PHF13: variants seen among roughly 807,000 people sequenced by gnomAD.
PHF13 encodes PHD finger protein 13.
In PHF13, 1 loss-of-function variant was observed where a neutral mutation model predicts 25.8. That is an observed-to-expected ratio of 0.04 (90% CI 0.01 to 0.18). The LOEUF (loss-of-function observed/expected upper bound fraction) is 0.18, where lower values mean the gene tolerates loss of function less well. Ranked by LOEUF, PHF13 falls within the 10% of genes least tolerant of loss-of-function variation. The pLI is 1.00. For missense variants in PHF13, 306 were observed against 403.2 expected (o/e 0.76, Z 2.06); for synonymous variants, 195 against 162.4 (o/e 1.20, Z -1.53).
rs201686197 is a variant in PHF13 at position 6,621,396 on chromosome 1, T to C, written c.677-15T>C. On this transcript the variant is annotated splice_polypyrimidine_tract_variant and intron_variant, in intron 3 of 3. Coordinates refer to ENST00000377648, the MANE Select transcript of PHF13 (RefSeq NM_153812.3). This position sits in a 1 kb window ranked among gnomAD's most constrained non-coding sequence, Gnocchi z 4.8. ...GGAATTTCTCTTCCCTCCTTGAGAG[T>C]ATCTTTCCTTCCAGATGACGATTCC... 189 of 1,612,866 alleles carry C rather than the reference T, an allele frequency of 1.2e-4. 1 individual carries two copies. The highest frequency in any genetic ancestry group is 3.3e-4 in the Middle Eastern group (2 of 6,060).
intron 1 of PHF13, among the ~76,000 whole-genome samples, chr1:6,616,263 G>T (rs921344077): frequency 5.9e-5 from 9 of 151,912 alleles, no homozygotes. Flanking sequence ...TCCTGACCTC[G>T]TGATCCGCCC....
chr1:6,621,841 T>C lies in PHF13; in HGVS notation c.*204T>C. 2 of 612,632 alleles carry C rather than the reference T, an allele frequency of 3.3e-6. No homozygotes were observed. Among genetic ancestry groups the C allele is most frequent in the South Asian group, 1.9e-5 (1 of 51,612 alleles). The allele number at this position is 612,632 out of a possible 1,614,324, so 37.9% of individuals were successfully genotyped here. A position where few individuals can be genotyped will look rare whatever the true frequency, so the allele number is the denominator to read the frequency against. ...TGCGACCTTTGCCAGCCAGAGCTGC[T>C]GCCAGAGCTGCGTTCCCTGCAGTGG... On this transcript the variant is annotated 3_prime_UTR_variant, in exon 4 of 4. Transcript: ENST00000377648. This position sits in a 1 kb window ranked among gnomAD's most constrained non-coding sequence, Gnocchi z 4.8.
Position 6,623,803 on chromosome 1 carries a change from T to A in PHF13, c.*2166T>A, listed in dbSNP as rs1311998514. On this transcript the variant is annotated 3_prime_UTR_variant, in exon 4 of 4. Coordinates refer to ENST00000377648, the MANE Select transcript of PHF13 (RefSeq NM_153812.3). ...GCACGACCCATCTGTGGTTCCTGGT[T>A]GGTGGCTAATGAAGTGAGGGGAGGG... is the stretch of plus-strand genomic sequence containing the variant. 6.6e-6 allele frequency: 1 copy of A among 152,646 alleles called. No individual in the cohort carries two copies. Among genetic ancestry groups the A allele is most frequent in the African/African-American group, 2.4e-5 (1 of 41,454 alleles). 9.5% of individuals were successfully genotyped at this position (152,646 alleles called of 1,614,324 possible).
chr1:6,617,438 CTTTT>C (rs1353994926), intron 2 of PHF13, among the ~76,000 whole-genome samples: 1 of 149,700 alleles, frequency 6.7e-6, no homozygotes, highest in African/African-American at 2.5e-5. Flanking sequence ...TTTGCTTGCT[CTTTT>C]TGTTTGTTTG....
At chr1:6,616,169 C>T (rs1001979143) in intron 1 of PHF13, among the ~76,000 whole-genome samples, 16 of 151,830 alleles carry the variant, frequency 1.1e-4, no homozygotes, top group East Asian at 1.9e-4. Flanking sequence ...GTTGGGACTA[C>T]AGGTGCACGC....
chr1:6,619,907 C>T lies in PHF13; in HGVS notation c.246C>T (p.Pro82=), dbSNP rs1165168684. The change falls in exon 3 of 4, where the codon CCC becomes CCT. Residue 82 remains proline (P), a synonymous_variant. Coordinates refer to ENST00000377648, the MANE Select transcript of PHF13 (RefSeq NM_153812.3). ...AGFSDIASSV[P]LPVSDRCFSH... Reference sequence around the variant, plus strand: ...TCTCAGACATCGCGTCCTCAGTGCCCTTGCCAGTCTCTGACCGCTGCTTTA... The same window carrying T: ...TCTCAGACATCGCGTCCTCAGTGCCTTTGCCAGTCTCTGACCGCTGCTTTA... 2 of 1,613,890 alleles carry T rather than the reference C, an allele frequency of 1.2e-6. No homozygotes were observed. The highest frequency in any genetic ancestry group is 1.7e-6 in the Non-Finnish European group (2 of 1,180,044).
Position 6,613,988 on chromosome 1 carries a change from AGCCCCCAGCCCCGGGC to A in PHF13, c.-77_-62del. On this transcript the variant is annotated 5_prime_UTR_variant, in exon 1 of 4. Coordinates refer to ENST00000377648, the MANE Select transcript of PHF13 (RefSeq NM_153812.3). The stretch of plus-strand genomic sequence containing the variant: ...CGCCCTCGCCCTGCGCAGCCGCCCG[AGCCCCCAGCCCCGGGC>A]GGCCCCGCTCCAGCATCCCAGCTCC... 1 of 1,008,810 alleles carries A rather than the reference AGCCCCCAGCCCCGGGC, an allele frequency of 9.9e-7. No individual in the cohort carries two copies. The highest frequency in any genetic ancestry group is 1.5e-6 in the Non-Finnish European group (1 of 681,536). The allele number at this position is 1,008,810 out of a possible 1,614,324, so 62.5% of individuals were successfully genotyped here.
At chr1:6,620,432 G>C in intron 3 of PHF13, 95 bp downstream of exon 3, 1 of 1,378,668 alleles carries the variant, frequency 7.3e-7, no homozygotes, top group Non-Finnish European at 9.9e-7. Context: ...CACAGGGTCT[G>C]GTGCCTTCCG....
In PHF13 at chr1:6,618,907, A is replaced by G. The variant is rs1641300125; in HGVS notation, c.142-896A>G. 5.9e-5 allele frequency among the ~76,000 whole-genome samples: 9 copies of G among 152,256 alleles called. No homozygotes were observed. The South Asian group carries it at 1.9e-3, about 32-fold the overall frequency. Reference sequence around the variant, plus strand: ...GGTGATCTACCCGCCTCAGCCTCCCAAAGTGCTGGGATTACAGGTGTGAGC... The same window carrying G: ...GGTGATCTACCCGCCTCAGCCTCCCGAAGTGCTGGGATTACAGGTGTGAGC... On this transcript the variant is annotated intron_variant, in intron 2 of 3. Coordinates refer to ENST00000377648, the MANE Select transcript of PHF13 (RefSeq NM_153812.3).
chr1:6,616,822 C>T lies in PHF13; in HGVS notation c.105C>T (p.Val35=), dbSNP rs568057861. The T allele has an allele frequency of 8.1e-6, 13 of 1,614,206 alleles. No homozygotes were observed. The African/African-American group carries it at 1.6e-4, about 20-fold the overall frequency. ...ACTTCAACAAATTCTGCACCTTTGT[C>T]TTGGCCTATGCTGGCTACATCCCTT... ...VEDFNKFCTF[V]LAYAGYIPYP... Residue 35 remains valine (V), a synonymous_variant, in exon 2 of 4, where the codon GTC becomes GTT. Transcript: ENST00000377648.
intron 3 of PHF13, among the ~76,000 whole-genome samples, chr1:6,620,810 G>A (rs1641326974): frequency 6.6e-6 from 1 of 151,772 alleles, no homozygotes; most frequent in South Asian, 2.1e-4. Flanking sequence ...ACGAGGTCAG[G>A]AGTTCGAGAC....
In PHF13 at chr1:6,621,861, C is replaced by T. The variant is rs544495287; in HGVS notation, c.*224C>T. 117 of 588,590 alleles carry T rather than the reference C, an allele frequency of 2.0e-4. 1 individual carries two copies. In the African/African-American group the frequency reaches 2.1e-3, roughly 10 times the overall value. The allele number at this position is 588,590 out of a possible 1,614,324, so 36.5% of individuals were successfully genotyped here. On this transcript the variant is annotated 3_prime_UTR_variant, in exon 4 of 4. Transcript: ENST00000377648. The surrounding 1 kb of genome is among the most constrained non-coding windows in gnomAD (Gnocchi z 4.8). ...GCTGCTGCCAGAGCTGCGTTCCCTG[C>T]AGTGGAGGTGGACTGGACACCCACG...
chr1:6,616,618 CTTG>C, intron 1 of PHF13, 136 bp from the exon 2 acceptor site: 1 of 689,746 alleles, frequency 1.4e-6, no homozygotes, highest in African/African-American at 1.8e-5. Flanking sequence ...CTTACCGTAT[CTTG>C]TTTGTGGACT....
intron 1 of PHF13, 91 bp from the exon 2 acceptor site, chr1:6,616,666 T>C (rs927868736): frequency 1.3e-5 from 14 of 1,078,426 alleles, no homozygotes; most frequent in Non-Finnish European, 2.0e-5. Flanking sequence ...AGTGATTGAC[T>C]ACAAAAGTTC....
chr1:6,614,263 C>A (rs1284595161), intron 1 of PHF13, among the ~76,000 whole-genome samples, 158 bp downstream of exon 1: 2 of 147,356 alleles, frequency 1.4e-5, no homozygotes, highest in Admixed American at 6.7e-5. Context: ...GCCCCCTGCT[C>A]GGGCCCGCGC....
At chr1:6,614,182 C>A in intron 1 of PHF13, 77 bp downstream of exon 1, 2 of 1,440,840 alleles carry the variant, frequency 1.4e-6, no homozygotes, top group Middle Eastern at 2.1e-4. Context: ...GCCAGACCCC[C>A]GGTCGCCCGG....
Position 6,621,612 on chromosome 1 carries a change from G to C in PHF13, c.878G>C (p.Gly293Ala). 6.2e-7 allele frequency: 1 copy of C among 1,614,192 alleles called. No individual in the cohort carries two copies. The highest frequency in any genetic ancestry group is 8.5e-7 in the Non-Finnish European group (1 of 1,180,052). ...CGCCGTTCCAACCGCTCGCGGACGG[G>C]CTCCCGGAAGCTGTTCCTGGACTGA... is the stretch of plus-strand genomic sequence containing the variant. ...DIRRSNRSRT[G>A]SRKLFLD Residue 293 changes from glycine to alanine, a missense_variant, in exon 4 of 4, where the codon GGC becomes GCC. This residue lies in a region of PHF13 where 40 missense variants were observed against 71.6 expected (regional missense o/e 0.56). Transcript: ENST00000377648. This position sits in a 1 kb window ranked among gnomAD's most constrained non-coding sequence, Gnocchi z 4.8.
chr1:6,616,670 A>G (rs1367754007), intron 1 of PHF13, 87 bp from the exon 2 acceptor site: 1 of 1,143,736 alleles, frequency 8.7e-7, no homozygotes, highest in Non-Finnish European at 1.3e-6. Context: ...ATTGACTACA[A>G]AAGTTCCAGC....
rs148079460 is a variant in PHF13 at position 6,614,090 on chromosome 1, C to T, written c.24C>T (p.Ala8=). The T allele has an allele frequency of 7.4e-5, 118 of 1,600,772 alleles. No individual in the cohort carries two copies. In the African/African-American group the frequency reaches 1.3e-3, roughly 18 times the overall value. ...ACATGGACTCTGACTCTTGCGCCGC[C>T]GCCTTCCACCCGGAGGTGAGTGAAG... is the stretch of plus-strand genomic sequence containing the variant. MDSDSCA[A]AFHPEEYSPS... is the part of the protein sequence containing the mutation. The change falls in exon 1 of 4, where the codon GCC becomes GCT. Residue 8 remains alanine, a synonymous_variant. Coordinates refer to ENST00000377648, the MANE Select transcript of PHF13 (RefSeq NM_153812.3).
Sources: gnomAD v4.1 joint callset for allele counts (sites outside exome capture counted in the v4.1 genomes callset) on GRCh38, gnomAD v4.1.1 for gene constraint, gnomAD v4.1.1 regional missense constraint, Gnocchi (gnomAD v3.1) non-coding constraint, MANE v1.5 for transcripts, NCBI Gene and HGNC (gene_info 2026-07-23, HGNC 2026-07-21) for gene names.